NLRP2: variants seen among roughly 807,000 people sequenced by gnomAD.
NLRP2 encodes the protein NACHT, LRR and PYD domains-containing protein 2.
Under a neutral mutation model 97.2 loss-of-function variants are expected in NLRP2, and 107 were observed. That is an observed-to-expected ratio of 1.10 (90% CI 0.94 to 1.29). The LOEUF is 1.29. Ranked by LOEUF, NLRP2 falls within the 50% of genes most tolerant of loss-of-function variation. NLRP2 has a pLI of 0.00. For synonymous variants in NLRP2, 663 were observed against 551.5 expected, an observed-to-expected ratio of 1.20 and a Z score of -2.83; for missense variants, 1,495 against 1,330.3, an observed-to-expected ratio of 1.12 and a Z score of -1.93.
chr19:54,977,059 T>C, intron 3 of NLRP2: 1 of 301,794 alleles, frequency 3.3e-6, no homozygotes, highest in Non-Finnish European at 6.4e-6. Context: ...ATGATCCGCC[T>C]GCCTTGGCCT....
chr19:54,988,052 A>G (rs1468962302), intron 8 of NLRP2, among the ~76,000 whole-genome samples: 1 of 151,952 alleles, frequency 6.6e-6, no homozygotes, highest in African/African-American at 2.4e-5. Context: ...TCGAGGACAG[A>G]AAAAAAATTG....
At chr19:54,978,294 G>T (rs2071375010) in intron 4 of NLRP2, among the ~76,000 whole-genome samples, 1 of 149,616 alleles carries the variant, frequency 6.7e-6, no homozygotes, top group South Asian at 2.1e-4. Context: ...GAGTATAGTG[G>T]CACCATCCCT....
At chr19:54,973,006 T>C (rs1259809317) in intron 2 of NLRP2, among the ~76,000 whole-genome samples, 1 of 151,924 alleles carries the variant, frequency 6.6e-6, no homozygotes, top group African/African-American at 2.4e-5. Context: ...CAGGCCAATG[T>C]GGTGAAACCC....
rs866207869 is a variant in NLRP2, at chr19:54,990,605, G to A, written c.2641G>A (p.Gly881Arg). 6.2e-7 allele frequency: 1 copy of A among 1,614,156 alleles called. No homozygotes were observed. Among genetic ancestry groups the A allele is most frequent in the Non-Finnish European group, 8.5e-7 (1 of 1,180,022 alleles). ...THLCLAKNPI[G>R]NTGVKFLCEG... is the part of the protein sequence containing the mutation. Reference sequence around the variant, plus strand: ...CCTGTGCTTGGCCAAGAACCCCATTGGGAATACAGGGGTGAAGTTTCTGTG... The same window carrying A: ...CCTGTGCTTGGCCAAGAACCCCATTAGGAATACAGGGGTGAAGTTTCTGTG... The change falls in exon 10 of 13, where the codon GGG (glycine) becomes AGG (arginine). Residue 881 changes from glycine (G) to arginine (R), a missense_variant. Physicochemically the swap from Gly to Arg is moderately radical, Grantham distance 125. Coordinates refer to ENST00000448584, the MANE Select transcript of NLRP2 (RefSeq NM_017852.5).
rs759061758 is a variant in NLRP2, at chr19:54,997,361, G to A, written c.2924G>A (p.Cys975Tyr). Residue 975 changes from cysteine (C) to tyrosine (Y), a missense_variant, in exon 12 of 13, where the codon TGC becomes TAC. Cys to Tyr is a radical substitution (Grantham distance 194). Coordinates refer to ENST00000448584, the MANE Select transcript of NLRP2 (RefSeq NM_017852.5). Reference protein sequence around the residue: ...SIPPFSCEDLCSALSCNQSLV... With the variant: ...SIPPFSCEDLYSALSCNQSLV... ...CCTCCGTTCAGTTGTGAAGACCTCT[G>A]CTCTGCCCTCAGCTGCAACCAGAGC... 1.2e-6 allele frequency: 2 copies of A among 1,614,026 alleles called. No homozygotes were observed. Among genetic ancestry groups the A allele is most frequent in the African/African-American group, 1.3e-5 (1 of 74,930 alleles).
Position 54,970,770 on chromosome 19 carries a change from C to CTT in NLRP2, c.280+491_280+492dup, listed in dbSNP as rs34406686. ...CCTGGTCCTTATTTTCTACCTACTTCTTTTTTTTTTTTTTTTTGTCCTTTT... is the reference window on the plus strand; with the variant it reads ...CCTGGTCCTTATTTTCTACCTACTTCTTTTTTTTTTTTTTTTTTTGTCCTTTT... On this transcript the variant is annotated intron_variant, in intron 2 of 12. Transcript: ENST00000448584. 6.5e-3 allele frequency among the ~76,000 whole-genome samples: 705 copies of CTT among 108,422 alleles called. 3 individuals are homozygous for CTT. Among genetic ancestry groups the CTT allele is most frequent in the Middle Eastern group, 0.032 (6 of 188 alleles). The allele number at this position is 108,422 out of a possible 152,430, so 71.1% of individuals were successfully genotyped here. A position where few individuals can be genotyped will look rare whatever the true frequency, so the allele number is the denominator to read the frequency against.
chr19:54,996,389 A>C (rs1198248625), intron 11 of NLRP2, among the ~76,000 whole-genome samples: 1 of 151,952 alleles, frequency 6.6e-6, no homozygotes, highest in Non-Finnish European at 1.5e-5. Context: ...ACATAGCTAT[A>C]ATCTCATCTA....
At chr19:54,994,890 T>C (rs2072719673) in intron 11 of NLRP2, among the ~76,000 whole-genome samples, 3 of 150,610 alleles carry the variant, frequency 2.0e-5, no homozygotes, top group Non-Finnish European at 3.0e-5. Context: ...ATTACAGGCG[T>C]GAGCCACTGC....
In NLRP2 at chr19:54,972,606, CCTCG is replaced by C. The variant is rs2070936291; in HGVS notation, c.281-1890_281-1887del. Among the ~76,000 whole-genome samples the C allele has an allele frequency of 1.3e-5, 2 of 151,778 alleles. 1 individual carries two copies. Among genetic ancestry groups the C allele is most frequent in the South Asian group, 4.2e-4 (2 of 4,818 alleles). On this transcript the variant is annotated intron_variant, in intron 2 of 12. Coordinates refer to ENST00000448584, the MANE Select transcript of NLRP2 (RefSeq NM_017852.5). ...CCTACCACTATGGCCTCCCACCACA[CCTCG>C]CTCATTCTTGTATATATATATATTT... is the stretch of plus-strand genomic sequence containing the variant.
rs752718361 is a variant in NLRP2 at position 55,000,825 on chromosome 19, C to A, written c.3116C>A (p.Pro1039Gln). ...KLLEEIEEKN[P>Q]QLIIDTEKHH... ...CTGGAAGAAATAGAAGAAAAAAACCCACAACTGATTATTGATACTGAGAAA... is the reference window on the plus strand; with the variant it reads ...CTGGAAGAAATAGAAGAAAAAAACCAACAACTGATTATTGATACTGAGAAA... Residue 1039 changes from proline to glutamine, a missense_variant, in exon 13 of 13, where the codon CCA becomes CAA. Pro to Gln is a moderately conservative substitution (Grantham distance 76). Coordinates refer to ENST00000448584, the MANE Select transcript of NLRP2 (RefSeq NM_017852.5). 5.6e-6 allele frequency: 9 copies of A among 1,613,246 alleles called. No individual in the cohort carries two copies. In the South Asian group the frequency reaches 9.9e-5, roughly 18 times the overall value.
chr19:54,983,504 G>T lies in NLRP2; in HGVS notation c.1806G>T (p.Leu602=), dbSNP rs369328506. The change falls in exon 6 of 13, where the codon CTG becomes CTT. Residue 602 remains leucine, a synonymous_variant. Coordinates refer to ENST00000448584, the MANE Select transcript of NLRP2 (RefSeq NM_017852.5). ...CKGGHSTVTD[L]QELLGCLYES... ...GTGGACATTCAACGGTGACAGACCT[G>T]CAGGAGCTCCTCGGCTGTCTGTACG... 4.6e-5 allele frequency: 74 copies of T among 1,614,090 alleles called. No homozygotes were observed. The highest frequency in any genetic ancestry group is 5.4e-5 in the Non-Finnish European group (64 of 1,180,050).
chr19:54,990,554 T>C lies in NLRP2; in HGVS notation c.2590T>C (p.Leu864=), dbSNP rs748259291. ...EANCKDLAAV[L]VVSRELTHLC... The stretch of plus-strand genomic sequence containing the variant: ...CAATTGCAAGGACCTTGCTGCTGTG[T>C]TGGTTGTCAGCCGGGAGCTGACACA... The change falls in exon 10 of 13, where the codon TTG becomes CTG. Residue 864 remains leucine (L), a synonymous_variant. Transcript: ENST00000448584. 10 of 1,614,096 alleles carry C rather than the reference T, an allele frequency of 6.2e-6. No homozygotes were observed. Among genetic ancestry groups the C allele is most frequent in the East Asian group, 2.2e-5 (1 of 44,896 alleles).
chr19:54,976,698 T>A (rs2071249782), intron 3 of NLRP2, among the ~76,000 whole-genome samples: 1 of 151,936 alleles, frequency 6.6e-6, no homozygotes, highest in Non-Finnish European at 1.5e-5. Flanking sequence ...GAATTTCACA[T>A]GCCCGTGTCC....
At chr19:54,989,143 A>G (rs1304419942) in intron 8 of NLRP2, among the ~76,000 whole-genome samples, 1 of 151,684 alleles carries the variant, frequency 6.6e-6, no homozygotes, top group Non-Finnish European at 1.5e-5. Context: ...TGTTTAGTAG[A>G]GCCGGGGTTT....
intron 12 of NLRP2, among the ~76,000 whole-genome samples, chr19:55,000,559 G>T (rs1560714): frequency 6.7e-6 from 1 of 148,762 alleles, no homozygotes; most frequent in Non-Finnish European, 1.5e-5. Flanking sequence ...AATTACAGGC[G>T]TGAGCCATCA....
intron 8 of NLRP2, among the ~76,000 whole-genome samples, chr19:54,988,982 G>T (rs1312022726): frequency 2.0e-5 from 3 of 152,056 alleles, no homozygotes; most frequent in African/African-American, 7.2e-5. Context: ...TTTTGAGACG[G>T]AGTCTTGCTC....
Position 54,970,082 on chromosome 19 carries a change from T to A in NLRP2, c.67T>A (p.Leu23Met). The A allele has an allele frequency of 6.2e-7, 1 of 1,613,780 alleles. No individual in the cohort carries two copies. The highest frequency in any genetic ancestry group is 1.1e-5 in the South Asian group (1 of 91,058). Residue 23 changes from leucine (L) to methionine (M), a missense_variant, in exon 2 of 13, where the codon TTG becomes ATG. Coordinates refer to ENST00000448584, the MANE Select transcript of NLRP2 (RefSeq NM_017852.5). ...CCTGGAGCAGCTCAGCCAGGATGAG[T>A]TGAGCAAGTTCAAGTATCTGATCAC... is the stretch of plus-strand genomic sequence containing the variant. ...ALLEQLSQDE[L>M]SKFKYLITTF...
rs2071972487 is a variant in NLRP2, at chr19:54,985,182, A to C, written c.2166A>C (p.Gln722His). The C allele has an allele frequency of 6.2e-7, 1 of 1,614,016 alleles. No homozygotes were observed. The highest frequency in any genetic ancestry group is 8.5e-7 in the Non-Finnish European group (1 of 1,180,032). ...CCCTAGTAAGGATCCTGTGTGAACA[A>C]ATAGCCTCTGACACCTGTCATCTCC... Reference protein sequence around the residue: ...SASLVRILCEQIASDTCHLQR... With the variant: ...SASLVRILCEHIASDTCHLQR... Residue 722 changes from glutamine to histidine, a missense_variant, in exon 7 of 13, where the codon CAA (glutamine) becomes CAC (histidine). Coordinates refer to ENST00000448584, the MANE Select transcript of NLRP2 (RefSeq NM_017852.5).
At chr19:54,969,907 G>C (rs748165293) in intron 1 of NLRP2, 92 bp from the exon 2 acceptor site, 4 of 1,239,810 alleles carry the variant, frequency 3.2e-6, no homozygotes, top group Non-Finnish European at 4.7e-6. Context: ...TAGATGGTGA[G>C]TGTCCTTGTT....
Sources: gnomAD v4.1 joint callset for allele counts (sites outside exome capture counted in the v4.1 genomes callset) on GRCh38, gnomAD v4.1.1 for gene constraint, MANE v1.5 for transcripts, NCBI Gene and HGNC (gene_info 2026-07-23, HGNC 2026-07-21) for gene names.